The following PDE4D variants were observed in gnomAD, a reference collection of about 807,000 sequenced individuals.
PDE4D encodes the protein 3',5'-cyclic-AMP phosphodiesterase 4D.
Under a neutral mutation model 87.4 loss-of-function variants are expected in PDE4D, and 24 were observed. That is an observed-to-expected ratio of 0.27 (90% CI 0.20 to 0.39). The LOEUF is 0.39. PDE4D is among the 10% of genes least tolerant of loss of function. The pLI is 1.00. For synonymous variants in PDE4D, 384 were observed against 383.2 expected, an observed-to-expected ratio of 1.00 and a Z score of -0.02; for missense variants, 714 against 1,041.0, an observed-to-expected ratio of 0.69 and a Z score of 4.32.
intron 1 of PDE4D, among the ~76,000 whole-genome samples, chr5:59,834,303 G>A (rs960388504): frequency 2.6e-5 from 4 of 151,934 alleles, no homozygotes; most frequent in Non-Finnish European, 5.9e-5. Flanking sequence ...CTTACCCATC[G>A]AAAGAGTGAG....
In PDE4D at chr5:60,407,341, C is replaced by T. The variant is rs116548949; in HGVS notation, c.-90+80601G>A. On this transcript the variant is annotated intron_variant, in intron 1 of 16. Transcript: ENST00000502484. ...ATGTGCAGTAAATGTAACCTGGATC[C>T]GCGCAGTCACAAGCCTATCTCCCTT... Among the ~76,000 whole-genome samples, 1,028 of 151,902 alleles carry T rather than the reference C, an allele frequency of 6.8e-3. 10 individuals are homozygous for T. Among genetic ancestry groups the T allele is most frequent in the African/African-American group, 0.024 (977 of 41,400 alleles).
chr5:60,212,207 C>T (rs962570262), intron 1 of PDE4D, among the ~76,000 whole-genome samples: 3 of 151,582 alleles, frequency 2.0e-5, no homozygotes, highest in Non-Finnish European at 4.4e-5. Context: ...TGTAATTATT[C>T]TTATGTGGAA....
intron 1 of PDE4D, among the ~76,000 whole-genome samples, chr5:60,285,106 AT>A (rs145357986): frequency 0.022 from 3,379 of 152,024 alleles, 125 homozygotes; most frequent in African/African-American, 0.077. Flanking sequence ...TTCTACAGTA[AT>A]TTTTTTAGCA....
chr5:59,397,701 G>T (rs1468064088), intron 1 of PDE4D, among the ~76,000 whole-genome samples: 6 of 117,904 alleles, frequency 5.1e-5, no homozygotes, highest in African/African-American at 1.7e-4. Flanking sequence ...ACATTCAAAA[G>T]CTAGCAGAAG....
intron 1 of PDE4D, among the ~76,000 whole-genome samples, chr5:59,388,779 T>C (rs1787639203): frequency 6.6e-6 from 1 of 152,030 alleles, no homozygotes; most frequent in Non-Finnish European, 1.5e-5. Flanking sequence ...TAATATTAAA[T>C]ATTTATTTTT....
intron 1 of PDE4D, among the ~76,000 whole-genome samples, chr5:60,251,393 T>C (rs1306697807): frequency 6.6e-6 from 1 of 151,960 alleles, no homozygotes; most frequent in Non-Finnish European, 1.5e-5. Flanking sequence ...CAGTGTTTGT[T>C]GTTCTCCTCT....
intron 1 of PDE4D, among the ~76,000 whole-genome samples, chr5:59,846,856 T>C (rs1352066430): frequency 6.6e-6 from 1 of 152,070 alleles, no homozygotes; most frequent in Non-Finnish European, 1.5e-5. Context: ...CCAGATTTGC[T>C]GTTTTCTAGA....
chr5:59,329,791 A>G (rs1776377197), intron 1 of PDE4D, among the ~76,000 whole-genome samples: 1 of 152,228 alleles, frequency 6.6e-6, no homozygotes, highest in South Asian at 2.1e-4. Context: ...ATATTTATAG[A>G]ATAAATGAAT....
chr5:60,505,205 C>T (rs1310221077), intron 1 of PDE4D, among the ~76,000 whole-genome samples: 4 of 152,204 alleles, frequency 2.6e-5, no homozygotes, highest in Non-Finnish European at 4.4e-5. Flanking sequence ...GCAAGGGGCA[C>T]TGTTAGGACA....
intron 5 of PDE4D, chr5:59,166,556 G>A (rs913872221): frequency 6.6e-6 from 1 of 152,086 alleles, no homozygotes; most frequent in East Asian, 1.9e-4. Context: ...GTTGCATCTG[G>A]GAAAATGTGT....
chr5:60,204,827 A>T (rs1742315409), intron 1 of PDE4D, among the ~76,000 whole-genome samples: 1 of 152,184 alleles, frequency 6.6e-6, no homozygotes, highest in Admixed American at 6.5e-5. Flanking sequence ...TTAGATGTGT[A>T]GCTCTGCAAT....
At chr5:59,629,902 A>G (rs1020478545) in intron 1 of PDE4D, among the ~76,000 whole-genome samples, 4 of 152,212 alleles carry the variant, frequency 2.6e-5, no homozygotes, top group Non-Finnish European at 5.9e-5. Context: ...CCTGGGTCTC[A>G]GTGTTTCTTA....
intron 5 of PDE4D, among the ~76,000 whole-genome samples, chr5:59,125,551 G>C (rs1775263363): frequency 6.6e-6 from 1 of 152,128 alleles, no homozygotes; most frequent in South Asian, 2.1e-4. Flanking sequence ...TGGTGCAAAG[G>C]GGGCCTAAAT....
At chr5:59,879,306 C>A (rs1749099563) in intron 1 of PDE4D, among the ~76,000 whole-genome samples, 1 of 152,190 alleles carries the variant, frequency 6.6e-6, no homozygotes, top group Admixed American at 6.5e-5. Context: ...GAATCTTTAG[C>A]AAAGCCTTAT....
chr5:60,268,287 A>T (rs1447346490), intron 1 of PDE4D, among the ~76,000 whole-genome samples: 5 of 152,220 alleles, frequency 3.3e-5, no homozygotes, highest in Non-Finnish European at 5.9e-5. Flanking sequence ...TAGATACAAA[A>T]TTCAGTAATG....
intron 1 of PDE4D, among the ~76,000 whole-genome samples, chr5:59,485,720 G>A (rs1227062963): frequency 6.6e-6 from 1 of 152,066 alleles, no homozygotes; most frequent in East Asian, 1.9e-4. Flanking sequence ...CTTTCATTTT[G>A]CATAAGATTA....
chr5:59,036,521 AC>A (rs1199062693), intron 6 of PDE4D, among the ~76,000 whole-genome samples: 3 of 152,232 alleles, frequency 2.0e-5, no homozygotes, highest in Non-Finnish European at 4.4e-5. Flanking sequence ...GGCAACACTC[AC>A]AGGGGCCTTC....
chr5:58,975,891 A>AT lies in PDE4D; in HGVS notation c.1831-53_1831-52insA. The AT allele has an allele frequency of 8.0e-7, 1 of 1,246,372 alleles. No homozygotes were observed. The highest frequency in any genetic ancestry group is 1.1e-6 in the Non-Finnish European group (1 of 935,346). The allele number at this position is 1,246,372 out of a possible 1,614,324, so 77.2% of individuals were successfully genotyped here. A position where few individuals can be genotyped will look rare whatever the true frequency, so the allele number is the denominator to read the frequency against. ...TCACTCCTGTTCCTTTTTTTTAAAA[A>AT]AAAAAACAAAAAAAACTAGAAATTC... On this transcript the variant is annotated intron_variant, in intron 13 of 14. Coordinates refer to ENST00000340635, the MANE Select transcript of PDE4D (RefSeq NM_001104631.2). This position sits in a 1 kb window ranked among gnomAD's most constrained non-coding sequence, Gnocchi z 4.2.
rs70975345 is a variant in PDE4D at position 59,878,887 on chromosome 5, G to GTTTTTTT, written c.455+14274_455+14280dup. Among the ~76,000 whole-genome samples, 20 of 71,754 alleles carry GTTTTTTT rather than the reference G, an allele frequency of 2.8e-4. 2 individuals carry two copies. The highest frequency in any genetic ancestry group is 8.5e-4 in the African/African-American group (17 of 20,044). The allele number at this position is 71,754 out of a possible 152,430, so 47.1% of individuals were successfully genotyped here. On this transcript the variant is annotated intron_variant, in intron 1 of 14. Coordinates refer to ENST00000340635, the MANE Select transcript of PDE4D (RefSeq NM_001104631.2). The stretch of plus-strand genomic sequence containing the variant: ...ATGGTCTACATATCTACCGAAGTAA[G>GTTTTTTT]TTTTTTTTTTTTTTTTTTTTTTTTT...
Sources: gnomAD v4.1 joint callset for allele counts (sites outside exome capture counted in the v4.1 genomes callset) on GRCh38, gnomAD v4.1.1 for gene constraint, Gnocchi (gnomAD v3.1) non-coding constraint, MANE v1.5 for transcripts, NCBI Gene and HGNC (gene_info 2026-07-23, HGNC 2026-07-21) for gene names.